CNTNAP2: variants seen among roughly 807,000 people sequenced by gnomAD.
The protein encoded by CNTNAP2 is contactin associated protein 2.
Under a neutral mutation model 155.2 loss-of-function variants are expected in CNTNAP2, and 98 were observed. The ratio of observed to expected loss-of-function variants is 0.63; its 90% CI spans 0.54 to 0.75. The LOEUF is 0.75. CNTNAP2 is among the 30% of genes least tolerant of loss of function. The pLI is 0.00. For missense variants in CNTNAP2, 1,727 were observed against 1,688.1 expected (o/e 1.02, Z -0.40); for synonymous variants, 651 against 631.2 (o/e 1.03, Z -0.47).
chr7:147,293,796 C>T (rs1157266045), intron 8 of CNTNAP2, among the ~76,000 whole-genome samples: 1 of 151,962 alleles, frequency 6.6e-6, no homozygotes, highest in Non-Finnish European at 1.5e-5. Context: ...TTAGAAAGCA[C>T]GGATAGAAAA....
At chr7:147,118,643 A>C (rs1284295340) in intron 5 of CNTNAP2, among the ~76,000 whole-genome samples, 1 of 152,102 alleles carries the variant, frequency 6.6e-6, no homozygotes, top group Non-Finnish European at 1.5e-5. Flanking sequence ...CACCTAGGCT[A>C]TATGGTAGAG....
intron 3 of CNTNAP2, among the ~76,000 whole-genome samples, chr7:147,017,131 T>C (rs1798739506): frequency 6.6e-6 from 1 of 152,022 alleles, no homozygotes; most frequent in Non-Finnish European, 1.5e-5. Flanking sequence ...ATTCTCCTTC[T>C]CCTTCAGGTC....
intron 13 of CNTNAP2, among the ~76,000 whole-genome samples, chr7:147,760,852 T>C (rs900392262): frequency 6.6e-6 from 1 of 152,200 alleles, no homozygotes; most frequent in Admixed American, 6.5e-5. Context: ...TTCTGACCTC[T>C]TTATAAAGAC....
At chr7:148,085,760 C>T (rs1803715372) in intron 15 of CNTNAP2, among the ~76,000 whole-genome samples, 1 of 151,852 alleles carries the variant, frequency 6.6e-6, no homozygotes, top group Non-Finnish European at 1.5e-5. Context: ...TGCTCTGTTG[C>T]CCAGGCTGGA....
intron 13 of CNTNAP2, among the ~76,000 whole-genome samples, chr7:147,646,707 A>G (rs1157784351): frequency 6.6e-6 from 1 of 152,148 alleles, no homozygotes; most frequent in African/African-American, 2.4e-5. Flanking sequence ...CTAAGCGCAG[A>G]CAATTAAATA....
At chr7:147,679,438 G>A (rs1025332779) in intron 13 of CNTNAP2, among the ~76,000 whole-genome samples, 13 of 151,830 alleles carry the variant, frequency 8.6e-5, no homozygotes, top group African/African-American at 3.1e-4. Flanking sequence ...AGTGTCTAAA[G>A]TTTTTTTAGA....
chr7:146,921,314 A>G (rs947615285), intron 3 of CNTNAP2, among the ~76,000 whole-genome samples: 2 of 152,198 alleles, frequency 1.3e-5, no homozygotes, highest in Non-Finnish European at 2.9e-5. Flanking sequence ...AGGAAAAACA[A>G]TGTCCTGAGA....
intron 1 of CNTNAP2, among the ~76,000 whole-genome samples, chr7:146,421,043 A>G (rs1209364572): frequency 6.6e-6 from 1 of 152,044 alleles, no homozygotes; most frequent in Non-Finnish European, 1.5e-5. Context: ...TGAACTTTGA[A>G]GTGAAAGGAC....
In CNTNAP2 at chr7:148,377,228, C is replaced by T. The variant is rs1798984292; in HGVS notation, c.3476-6421C>T. On this transcript the variant is annotated intron_variant, in intron 21 of 23. Coordinates refer to ENST00000361727, the MANE Select transcript of CNTNAP2 (RefSeq NM_014141.6). ...GTGCCTGGCCATGTTTTCAAGTGTACATCAGGTGACCACTCACCTGTTGTA... is the reference window on the plus strand; with the variant it reads ...GTGCCTGGCCATGTTTTCAAGTGTATATCAGGTGACCACTCACCTGTTGTA... 3.0e-5 allele frequency among the ~76,000 whole-genome samples: 2 copies of T among 67,754 alleles called. 1 individual carries two copies. Among genetic ancestry groups the T allele is most frequent in the Non-Finnish European group, 8.3e-5 (2 of 24,140 alleles). 44.4% of individuals were successfully genotyped at this position (67,754 alleles called of 152,430 possible). A position where few individuals can be genotyped will look rare whatever the true frequency, so the allele number is the denominator to read the frequency against.
chr7:146,725,971 T>C (rs1347866548), intron 1 of CNTNAP2, among the ~76,000 whole-genome samples: 1 of 152,198 alleles, frequency 6.6e-6, no homozygotes, highest in African/African-American at 2.4e-5. Flanking sequence ...AATTCCCCTG[T>C]CTTGATAAAT....
chr7:147,312,286 G>A (rs999591528), intron 9 of CNTNAP2, among the ~76,000 whole-genome samples: 1 of 151,704 alleles, frequency 6.6e-6, no homozygotes, highest in African/African-American at 2.4e-5. Flanking sequence ...TATACTTCAA[G>A]TTTTAGGGTA....
chr7:147,937,615 C>CA (rs1800634988), intron 14 of CNTNAP2, among the ~76,000 whole-genome samples: 1 of 152,120 alleles, frequency 6.6e-6, no homozygotes, highest in Admixed American at 6.5e-5. Context: ...ACTCTCTCTC[C>CA]TGCCTGAGTC....
intron 3 of CNTNAP2, among the ~76,000 whole-genome samples, chr7:146,854,024 T>C (rs1017571106): frequency 4.6e-5 from 7 of 152,154 alleles, no homozygotes; most frequent in Admixed American, 3.9e-4. Context: ...AGGATTTCTA[T>C]AGGAGAGAAA....
intron 8 of CNTNAP2, among the ~76,000 whole-genome samples, chr7:147,294,810 C>T (rs1333683309): frequency 6.6e-6 from 1 of 152,012 alleles, no homozygotes; most frequent in Non-Finnish European, 1.5e-5. Flanking sequence ...AAGTGCCCAC[C>T]ACCACACCCG....
intron 13 of CNTNAP2, among the ~76,000 whole-genome samples, chr7:147,818,424 T>G (rs1299882229): frequency 1.3e-5 from 2 of 152,174 alleles, no homozygotes; most frequent in African/African-American, 4.8e-5. Context: ...TAATTGATCA[T>G]ATTTGCTTTC....
chr7:146,578,456 A>G (rs189465759), intron 1 of CNTNAP2, among the ~76,000 whole-genome samples: 11 of 152,314 alleles, frequency 7.2e-5, no homozygotes, highest in African/African-American at 1.9e-4. Flanking sequence ...ACTAACATAC[A>G]TAAGAATATT....
chr7:146,910,886 A>G (rs901538601), intron 3 of CNTNAP2, among the ~76,000 whole-genome samples: 4 of 150,976 alleles, frequency 2.6e-5, no homozygotes, highest in African/African-American at 9.9e-5. Context: ...AAATGGGAGA[A>G]AATTTTCGCA....
intron 14 of CNTNAP2, among the ~76,000 whole-genome samples, chr7:147,958,439 C>T (rs917810976): frequency 2.2e-4 from 34 of 152,176 alleles, no homozygotes; most frequent in Non-Finnish European, 7.4e-5. Context: ...AATCTCACTT[C>T]TATCCAAAAA....
intron 4 of CNTNAP2, among the ~76,000 whole-genome samples, chr7:147,056,328 G>T (rs141012817): frequency 1.8e-3 from 281 of 152,142 alleles, no homozygotes; most frequent in African/African-American, 3.2e-3. Flanking sequence ...ACTAGAAAAT[G>T]GACAAGTAGC....
Sources: gnomAD v4.1 joint callset for allele counts (sites outside exome capture counted in the v4.1 genomes callset) on GRCh38, gnomAD v4.1.1 for gene constraint, MANE v1.5 for transcripts, NCBI Gene and HGNC (gene_info 2026-07-23, HGNC 2026-07-21) for gene names.